Variants in CACNA2D2 observed in about 807,000 individuals in gnomAD.
CACNA2D2 encodes voltage-dependent calcium channel subunit alpha-2/delta-2.
In CACNA2D2, 48 loss-of-function variants were observed where a neutral mutation model predicts 166.4. The ratio of observed to expected loss-of-function variants is 0.29; its 90% CI spans 0.23 to 0.37. The LOEUF (loss-of-function observed/expected upper bound fraction) is 0.37. Among genes scored for constraint, CACNA2D2 ranks in the 10% least tolerant of loss-of-function variants. The pLI, the probability that CACNA2D2 is intolerant of heterozygous loss-of-function variation, is 1.00. For missense variants in CACNA2D2, 1,122 were observed against 1,433.0 expected, an observed-to-expected ratio of 0.78 and a Z score of 3.50; for synonymous variants, 561 against 573.7, an observed-to-expected ratio of 0.98 and a Z score of 0.32.
At chr3:50,412,513 A>C (rs1707063939) in intron 3 of CACNA2D2, among the ~76,000 whole-genome samples, 1 of 151,652 alleles carries the variant, frequency 6.6e-6, no homozygotes, top group South Asian at 2.1e-4. Context: ...CCTTGCTCCC[A>C]GGTCTCGTGC....
chr3:50,368,567 C>T (rs889228930), intron 23 of CACNA2D2, among the ~76,000 whole-genome samples: 3 of 152,212 alleles, frequency 2.0e-5, no homozygotes. Context: ...GCGGCCTGCT[C>T]ATCCACGTGT....
In CACNA2D2 at chr3:50,381,236, C is replaced by T. The variant is rs958788913; in HGVS notation, c.653-110G>A. 37 of 1,336,890 alleles carry T rather than the reference C, an allele frequency of 2.8e-5. 1 individual carries two copies. The East Asian group carries it at 6.2e-4, about 23-fold the overall frequency. 82.8% of individuals were successfully genotyped at this position (1,336,890 alleles called of 1,614,324 possible). A position where few individuals can be genotyped will look rare whatever the true frequency, so the allele number is the denominator to read the frequency against. On this transcript the variant is annotated intron_variant, in intron 6 of 37. Coordinates refer to ENST00000424201, the MANE Select transcript of CACNA2D2 (RefSeq NM_006030.4). ...CCATTTAGAATCCCCCAACTGTTCT[C>T]GGCCTATCCAGGCCCTCCCTATTTC...
At chr3:50,492,036 C>T (rs1226966701) in intron 1 of CACNA2D2, among the ~76,000 whole-genome samples, 2 of 152,202 alleles carry the variant, frequency 1.3e-5, no homozygotes, top group African/African-American at 4.8e-5. Context: ...ACCAATGACA[C>T]CCAGTCCTCT....
intron 1 of CACNA2D2, among the ~76,000 whole-genome samples, chr3:50,490,606 A>G (rs1356749447): frequency 6.6e-6 from 1 of 152,244 alleles, no homozygotes; most frequent in Admixed American, 6.5e-5. Context: ...CAGCAAAGCC[A>G]GGCTCTGTCC....
At chr3:50,448,783 T>C (rs1416193960) in intron 2 of CACNA2D2, among the ~76,000 whole-genome samples, 2 of 152,088 alleles carry the variant, frequency 1.3e-5, no homozygotes, top group Non-Finnish European at 2.9e-5. Context: ...ACTAGAGCCC[T>C]GCACTGGTCA....
chr3:50,368,516 G>A (rs1484679128), intron 23 of CACNA2D2, among the ~76,000 whole-genome samples: 2 of 152,166 alleles, frequency 1.3e-5, no homozygotes, highest in African/African-American at 4.8e-5. Flanking sequence ...CGGTGTAGCT[G>A]GACCCAGATA....
intron 1 of CACNA2D2, among the ~76,000 whole-genome samples, chr3:50,502,352 A>C (rs1699007903): frequency 6.6e-6 from 1 of 152,238 alleles, no homozygotes; most frequent in African/African-American, 2.4e-5. Flanking sequence ...GCACAGTGTC[A>C]GGAAACTGAT....
intron 2 of CACNA2D2, among the ~76,000 whole-genome samples, chr3:50,445,939 T>C (rs1490552708): frequency 6.6e-6 from 1 of 151,926 alleles, no homozygotes; most frequent in African/African-American, 2.4e-5. Context: ...GGACAATCCA[T>C]GGCACCTCCA....
chr3:50,484,737 C>T (rs1161748222), intron 1 of CACNA2D2, among the ~76,000 whole-genome samples: 2 of 152,262 alleles, frequency 1.3e-5, no homozygotes, highest in Non-Finnish European at 2.9e-5. Flanking sequence ...CAGACATCCT[C>T]CCTCTTGCTT....
At chr3:50,467,505 C>T (rs2107042003) in intron 2 of CACNA2D2, among the ~76,000 whole-genome samples, 1 of 152,294 alleles carries the variant, frequency 6.6e-6, no homozygotes. Context: ...TAGCTGGGCA[C>T]CTCCTCCATG....
Position 50,377,748 on chromosome 3 carries a change from C to G in CACNA2D2, c.1535G>C (p.Gly512Ala). The change falls in exon 16 of 38, where the codon GGC becomes GCC. Residue 512 changes from glycine to alanine, a missense_variant. This residue lies in a region of CACNA2D2 where 840 missense variants were observed against 1,166.8 expected (regional missense o/e 0.72). Transcript: ENST00000424201. ...TLPVFNLTQD[G>A]PGEKKNQLIL... ...TTTCCTCACCTTCTTTTCCCCAGGG[C>G]CATCCTGTGTCAGGTTGAAAACAGG... 6.2e-7 allele frequency: 1 copy of G among 1,613,182 alleles called. No homozygotes were observed. Among genetic ancestry groups the G allele is most frequent in the Non-Finnish European group, 8.5e-7 (1 of 1,179,678 alleles).
At chr3:50,446,241 G>A (rs533558861) in intron 2 of CACNA2D2, among the ~76,000 whole-genome samples, 15 of 152,342 alleles carry the variant, frequency 9.8e-5, no homozygotes, top group Non-Finnish European at 2.1e-4. Context: ...CAATTATTAC[G>A]GGATTAGCTG....
intron 22 of CACNA2D2, among the ~76,000 whole-genome samples, chr3:50,372,125 C>T (rs950819986): frequency 6.6e-6 from 1 of 152,104 alleles, no homozygotes; most frequent in African/African-American, 2.4e-5. Context: ...TAATGCTGTC[C>T]TCTCTCACTC....
chr3:50,436,068 T>C (rs996245288), intron 2 of CACNA2D2, among the ~76,000 whole-genome samples: 2 of 152,152 alleles, frequency 1.3e-5, no homozygotes, highest in Admixed American at 6.5e-5. Flanking sequence ...CACCTTACTA[T>C]TGGGGAAACT....
At chr3:50,410,507 C>G (rs1280946558) in intron 3 of CACNA2D2, among the ~76,000 whole-genome samples, 1 of 151,304 alleles carries the variant, frequency 6.6e-6, no homozygotes, top group African/African-American at 2.4e-5. Context: ...TCTTTGTGCC[C>G]CAGAGTCAGC....
chr3:50,379,361 G>C lies in CACNA2D2; in HGVS notation c.1152+71C>G, dbSNP rs1705176138. ...TGGTGCTAACGAGGCCATCCGTCTT[G>C]ATTTCCTGGGTACACCAAGCCAGGG... is the stretch of plus-strand genomic sequence containing the variant. On this transcript the variant is annotated intron_variant, in intron 11 of 37. Transcript: ENST00000424201. This position sits in a 1 kb window ranked among gnomAD's most constrained non-coding sequence, Gnocchi z 6.5. 2 of 1,574,454 alleles carry C rather than the reference G, an allele frequency of 1.3e-6. No homozygotes were observed. Among genetic ancestry groups the C allele is most frequent in the Non-Finnish European group, 1.7e-6 (2 of 1,152,120 alleles).
upstream of CACNA2D2, among the ~76,000 whole-genome samples, chr3:50,503,870 C>T (rs1012634866): frequency 2.0e-5 from 3 of 152,054 alleles, no homozygotes; most frequent in Non-Finnish European, 4.4e-5. Context: ...CGGGTGCGCC[C>T]CCGCCCCCAC....
intron 3 of CACNA2D2, among the ~76,000 whole-genome samples, chr3:50,403,179 C>T (rs1706531314): frequency 6.6e-6 from 1 of 152,168 alleles, no homozygotes. Flanking sequence ...AAAACACTGC[C>T]AGGGCCCCTC....
chr3:50,418,552 G>C (rs945644655), intron 3 of CACNA2D2, among the ~76,000 whole-genome samples: 1 of 152,220 alleles, frequency 6.6e-6, no homozygotes, highest in Non-Finnish European at 1.5e-5. Context: ...GGCCGGTCAG[G>C]GTGTCCTCAG....
Sources: gnomAD v4.1 joint callset for allele counts (sites outside exome capture counted in the v4.1 genomes callset) on GRCh38, gnomAD v4.1.1 for gene constraint, gnomAD v4.1.1 regional missense constraint, Gnocchi (gnomAD v3.1) non-coding constraint, MANE v1.5 for transcripts, NCBI Gene and HGNC (gene_info 2026-07-23, HGNC 2026-07-21) for gene names.